Variants in ABCC1 observed in about 807,000 individuals in gnomAD.
ABCC1 encodes the protein multidrug resistance-associated protein 1.
ABCC1 carries 83 observed loss-of-function variants against 172.9 expected under a neutral mutation model. The observed-to-expected ratio is 0.48, with a 90% confidence interval of 0.40 to 0.58. ABCC1 has a LOEUF of 0.58. ABCC1 is among the 20% of genes least tolerant of loss of function. ABCC1 has a pLI of 0.00. For missense variants in ABCC1, 1,817 were observed against 2,002.7 expected (o/e 0.91, Z 1.77); for synonymous variants, 937 against 825.2 (o/e 1.14, Z -2.32).
chr16:16,136,683 C>T, intron 29 of ABCC1, 39 bp downstream of exon 29: 1 of 1,606,328 alleles, frequency 6.2e-7, no homozygotes, highest in East Asian at 2.2e-5. Flanking sequence ...GGTAAGGTGT[C>T]CTAGGCGCCA....
At chr16:16,135,551 G>T (rs1254955667) in intron 28 of ABCC1, among the ~76,000 whole-genome samples, 2 of 152,134 alleles carry the variant, frequency 1.3e-5, no homozygotes, top group African/African-American at 4.8e-5. Flanking sequence ...CACCTCCTGG[G>T]TTCAAGCGAT....
In ABCC1 at chr16:16,000,486, A is replaced by C. The variant is rs987576900; in HGVS notation, c.49-7330A>C. Among the ~76,000 whole-genome samples the C allele has an allele frequency of 2.0e-5, 3 of 152,198 alleles. No homozygotes were observed. The South Asian group carries it at 6.2e-4, about 32-fold the overall frequency. ...CTTATCAGGAGACTGAAGCTTGGAG[A>C]AATTAAGTGACTTGCCCAAGTTCAC... On this transcript the variant is annotated intron_variant, in intron 1 of 30. Transcript: ENST00000399410.
intron 29 of ABCC1, among the ~76,000 whole-genome samples, chr16:16,137,849 G>A (rs907778509): frequency 2.1e-4 from 32 of 150,872 alleles, no homozygotes; most frequent in African/African-American, 7.1e-4. Context: ...CACTGTGCCC[G>A]GCTCTTATTT....
At chr16:16,054,023 A>G (rs553368246) in intron 11 of ABCC1, among the ~76,000 whole-genome samples, 86 of 150,882 alleles carry the variant, frequency 5.7e-4, no homozygotes, top group African/African-American at 1.9e-3. Context: ...TGCCCAGGCT[A>G]GAGTGCAGTC....
intron 1 of ABCC1, among the ~76,000 whole-genome samples, chr16:15,980,727 G>C (rs569931538): frequency 1.3e-5 from 2 of 152,024 alleles, no homozygotes; most frequent in Non-Finnish European, 2.9e-5. Context: ...AAATGATATC[G>C]TTCTGCCCCT....
chr16:16,051,896 T>C (rs1387307092), intron 10 of ABCC1, among the ~76,000 whole-genome samples: 1 of 152,112 alleles, frequency 6.6e-6, no homozygotes, highest in African/African-American at 2.4e-5. Flanking sequence ...AGCAATCAGG[T>C]GGTCGTGTTC....
At chr16:16,018,563 G>A (rs1037750678) in intron 5 of ABCC1, among the ~76,000 whole-genome samples, 1 of 151,932 alleles carries the variant, frequency 6.6e-6, no homozygotes, top group African/African-American at 2.4e-5. Flanking sequence ...AAAGAAAAAA[G>A]AAATGCATGT....
intron 19 of ABCC1, among the ~76,000 whole-genome samples, chr16:16,090,916 A>G (rs1406522508): frequency 6.6e-6 from 1 of 152,068 alleles, no homozygotes; most frequent in Non-Finnish European, 1.5e-5. Context: ...AAAAATGGGA[A>G]TGATGGTAAT....
At chr16:16,055,258 A>G (rs1378320720) in intron 11 of ABCC1, among the ~76,000 whole-genome samples, 4 of 151,908 alleles carry the variant, frequency 2.6e-5, no homozygotes, top group African/African-American at 9.7e-5. Context: ...GGCTGACAAG[A>G]AATAAGAAAA....
At chr16:16,026,498 G>A (rs1423798528) in intron 5 of ABCC1, among the ~76,000 whole-genome samples, 1 of 108,396 alleles carries the variant, frequency 9.2e-6, no homozygotes, top group Non-Finnish European at 1.9e-5. Context: ...TGCCAGTGAA[G>A]GGGGGACCCT....
chr16:16,078,453 C>T (rs183605820), intron 15 of ABCC1, among the ~76,000 whole-genome samples: 34 of 152,272 alleles, frequency 2.2e-4, no homozygotes, highest in Admixed American at 8.5e-4. Flanking sequence ...TATTCATATG[C>T]GTTTCCCTTT....
At chr16:16,046,063 C>T in intron 9 of ABCC1, 50 bp downstream of exon 9, 1 of 1,589,492 alleles carries the variant, frequency 6.3e-7, no homozygotes, top group South Asian at 1.1e-5. Context: ...ACATCCCCTC[C>T]TGCAGCCCTG....
At chr16:16,137,068 C>T (rs1418555494) in intron 29 of ABCC1, among the ~76,000 whole-genome samples, 2 of 152,198 alleles carry the variant, frequency 1.3e-5, no homozygotes, top group South Asian at 4.1e-4. Context: ...GGCACACCAG[C>T]GGAACCTCTG....
intron 1 of ABCC1, among the ~76,000 whole-genome samples, chr16:15,982,814 A>AAAAAAAAAAAAAAAAAAAAAAAC (rs2046654371): frequency 6.7e-6 from 1 of 149,216 alleles, no homozygotes; most frequent in African/African-American, 2.5e-5. Flanking sequence ...AAAAAAAAAA[A>AAAAAAAAAAAAAAAAAAAAAAAC]AAAAAAAAAA....
At chr16:16,103,129 C>T (rs1003804077) in intron 20 of ABCC1, among the ~76,000 whole-genome samples, 5 of 152,064 alleles carry the variant, frequency 3.3e-5, no homozygotes, top group Non-Finnish European at 5.9e-5. Flanking sequence ...GCAGGAGGAT[C>T]GCTTGAGGCC....
intron 7 of ABCC1, among the ~76,000 whole-genome samples, chr16:16,041,900 C>T (rs1461285663): frequency 2.0e-5 from 3 of 152,062 alleles, no homozygotes; most frequent in Non-Finnish European, 4.4e-5. Flanking sequence ...AGTTCGAGAC[C>T]AGCCTGGCCA....
At chr16:16,083,691 C>A (rs2050895736) in intron 17 of ABCC1, 149 bp downstream of exon 17, 2 of 1,023,768 alleles carry the variant, frequency 2.0e-6, no homozygotes, top group African/African-American at 1.6e-5. Context: ...TGCAGGCCAG[C>A]TGAACTTGGG....
At chr16:16,095,592 C>T (rs1263693918) in intron 19 of ABCC1, among the ~76,000 whole-genome samples, 1 of 152,194 alleles carries the variant, frequency 6.6e-6, no homozygotes, top group Non-Finnish European at 1.5e-5. Context: ...CTGTGTGCTC[C>T]GACTTCACAC....
At chr16:16,102,785 C>T in intron 20 of ABCC1, 68 bp downstream of exon 20, 1 of 1,448,760 alleles carries the variant, frequency 6.9e-7, no homozygotes, top group Non-Finnish European at 9.4e-7. Flanking sequence ...AGAGGAGGAA[C>T]AAAAAAAGGC....
Sources: allele counts gnomAD v4.1 joint callset (sites outside exome capture counted in the v4.1 genomes callset), GRCh38; gene constraint gnomAD v4.1.1; transcripts MANE v1.5; gene names NCBI Gene and HGNC (gene_info 2026-07-23, HGNC 2026-07-21).